STPG2: variants seen among roughly 807,000 people sequenced by gnomAD.
STPG2 encodes the protein sperm tail PG-rich repeat containing 2, also known as sperm-tail PG-rich repeat-containing protein 2.
Under a neutral mutation model 54.2 loss-of-function variants are expected in STPG2, and 56 were observed. That is an observed-to-expected ratio of 1.03 (90% CI 0.83 to 1.29). The LOEUF is 1.29. STPG2 is among the 50% of genes most tolerant of loss of function. The probability of loss-of-function intolerance (pLI) is 0.00; values close to 1 mark genes in which losing one functional copy is unlikely to be tolerated. For missense variants in STPG2, 596 were observed against 544.9 expected (o/e 1.09, Z -0.93); for synonymous variants, 200 against 181.8 (o/e 1.10, Z -0.81).
intron 5 of STPG2, among the ~76,000 whole-genome samples, chr4:98,024,125 T>G (rs144796190): frequency 0.014 from 2,074 of 152,286 alleles, 50 homozygotes; most frequent in African/African-American, 0.047. Context: ...TCTGTGTCAC[T>G]CACGCTGGGA....
intron 9 of STPG2, among the ~76,000 whole-genome samples, chr4:97,797,954 G>T (rs889625678): frequency 2.6e-5 from 4 of 152,176 alleles, no homozygotes; most frequent in Non-Finnish European, 5.9e-5. Context: ...ATTTCTTCTA[G>T]ATTTTCTAGT....
chr4:98,070,123 A>T (rs1737956107), intron 5 of STPG2, among the ~76,000 whole-genome samples: 1 of 152,086 alleles, frequency 6.6e-6, no homozygotes, highest in African/African-American at 2.4e-5. Context: ...CCTCAAAAAA[A>T]TACTACCAAA....
intron 5 of STPG2, among the ~76,000 whole-genome samples, chr4:98,066,242 A>G (rs1280995463): frequency 6.6e-6 from 1 of 152,220 alleles, no homozygotes; most frequent in Admixed American, 6.5e-5. Context: ...GGGATATAGT[A>G]TGTATTAATG....
intron 6 of STPG2, among the ~76,000 whole-genome samples, chr4:97,979,129 A>AGGT (rs1734586401): frequency 6.6e-6 from 1 of 152,156 alleles, no homozygotes; most frequent in Non-Finnish European, 1.5e-5. Flanking sequence ...ACAATAAGAA[A>AGGT]CTCAAAGGTT....
intron 7 of STPG2, among the ~76,000 whole-genome samples, chr4:97,962,868 A>G (rs1170706635): frequency 6.6e-6 from 1 of 152,176 alleles, no homozygotes; most frequent in Non-Finnish European, 1.5e-5. Flanking sequence ...AAGAATAAAT[A>G]CTATAATTCT....
At chr4:97,830,250 C>T (rs576395383) in intron 9 of STPG2, among the ~76,000 whole-genome samples, 1 of 152,252 alleles carries the variant, frequency 6.6e-6, no homozygotes, top group East Asian at 1.9e-4. Flanking sequence ...ATTTTCAACA[C>T]AGAATTTCAT....
At chr4:97,944,820 T>A (rs984419059) in intron 7 of STPG2, among the ~76,000 whole-genome samples, 10 of 152,140 alleles carry the variant, frequency 6.6e-5, no homozygotes, top group African/African-American at 2.4e-4. Flanking sequence ...ATCTGTGACA[T>A]GATCTGCCTC....
intron 10 of STPG2, among the ~76,000 whole-genome samples, chr4:97,682,351 T>A (rs1723063189): frequency 6.6e-6 from 1 of 151,804 alleles, no homozygotes; most frequent in Non-Finnish European, 1.5e-5. Context: ...AGGTTTCTAT[T>A]GCCAACTTCC....
At chr4:97,498,001 A>G (rs1184188812) in intron 4 of STPG2, among the ~76,000 whole-genome samples, 1 of 151,924 alleles carries the variant, frequency 6.6e-6, no homozygotes, top group Non-Finnish European at 1.5e-5. Flanking sequence ...AGGAAGTGGA[A>G]CAGGAACAAG....
intron 8 of STPG2, among the ~76,000 whole-genome samples, chr4:97,931,908 A>C (rs7686141): frequency 1.3e-5 from 2 of 151,978 alleles, no homozygotes; most frequent in Admixed American, 6.6e-5. Flanking sequence ...TTTATTACTG[A>C]TTCAATTTCA....
intron 5 of STPG2, among the ~76,000 whole-genome samples, chr4:98,075,600 T>C (rs1328348304): frequency 6.6e-6 from 1 of 152,204 alleles, no homozygotes; most frequent in African/African-American, 2.4e-5. Flanking sequence ...ATTCAGCTAT[T>C]TTGTAGTCAT....
At chr4:97,504,940 C>T (rs554926975) in intron 4 of STPG2, among the ~76,000 whole-genome samples, 1 of 151,886 alleles carries the variant, frequency 6.6e-6, no homozygotes, top group Non-Finnish European at 1.5e-5. Context: ...GCAAGCTCAA[C>T]ATTTGTAGGA....
At chr4:97,464,640 C>T (rs1729746468) in intron 4 of STPG2, among the ~76,000 whole-genome samples, 1 of 152,144 alleles carries the variant, frequency 6.6e-6, no homozygotes, top group South Asian at 2.1e-4. Context: ...CTCCTGACCT[C>T]AGGTGATCTG....
intron 5 of STPG2, chr4:98,025,741 T>C: frequency 6.4e-7 from 1 of 1,553,636 alleles, no homozygotes; most frequent in South Asian, 1.1e-5. Context: ...ACAAGATCTA[T>C]GAAGGCCAAG....
At chr4:97,678,568 C>A (rs1017571426) in intron 10 of STPG2, among the ~76,000 whole-genome samples, 4 of 151,992 alleles carry the variant, frequency 2.6e-5, no homozygotes, top group Non-Finnish European at 1.5e-5. Context: ...GGAATAGACA[C>A]TATTATCATG....
At chr4:97,454,022 G>T (rs1011164708) in intron 4 of STPG2, among the ~76,000 whole-genome samples, 1 of 152,044 alleles carries the variant, frequency 6.6e-6, no homozygotes, top group Admixed American at 6.6e-5. Context: ...TCCTAGATCT[G>T]AAGGAGACTA....
At chr4:97,753,343 T>A (rs1725635461) in intron 9 of STPG2, among the ~76,000 whole-genome samples, 2 of 152,028 alleles carry the variant, frequency 1.3e-5, no homozygotes. Context: ...CTTGTCCTTC[T>A]GTGTCTGGCT....
At chr4:97,872,930 G>A (rs1455966234) in intron 8 of STPG2, among the ~76,000 whole-genome samples, 5 of 151,070 alleles carry the variant, frequency 3.3e-5, no homozygotes, top group Non-Finnish European at 5.9e-5. Context: ...TCCTGTCCCT[G>A]CGATGAAAGC....
intron 4 of STPG2, among the ~76,000 whole-genome samples, chr4:97,549,170 T>G (rs1731910349): frequency 6.6e-6 from 1 of 152,186 alleles, no homozygotes; most frequent in Admixed American, 6.5e-5. Context: ...AAATGTTATT[T>G]AGCCCAGCTT....
Sources: gnomAD v4.1 joint callset for allele counts (sites outside exome capture counted in the v4.1 genomes callset) on GRCh38, gnomAD v4.1.1 for gene constraint, MANE v1.5 for transcripts, NCBI Gene and HGNC (gene_info 2026-07-23, HGNC 2026-07-21) for gene names.